LRRC49: variants seen among roughly 807,000 people sequenced by gnomAD.
LRRC49 encodes leucine-rich repeat-containing protein 49.
In LRRC49, 50 loss-of-function variants were observed where a neutral mutation model predicts 83.3. That is an observed-to-expected ratio of 0.60 (90% CI 0.48 to 0.76). LRRC49 has a LOEUF of 0.76. Among genes scored for constraint, LRRC49 ranks in the 30% least tolerant of loss-of-function variants. The pLI, the probability that LRRC49 is intolerant of heterozygous loss-of-function variation, is 0.00. For missense variants in LRRC49, 704 were observed against 809.1 expected (o/e 0.87, Z 1.58); for synonymous variants, 286 against 283.3 (o/e 1.01, Z -0.10).
At chr15:70,966,072 G>C (rs2036783622) in intron 9 of LRRC49, among the ~76,000 whole-genome samples, 1 of 152,066 alleles carries the variant, frequency 6.6e-6, no homozygotes, top group African/African-American at 2.4e-5. Context: ...ATACTATGTG[G>C]CCTACAAGCC....
At chr15:71,035,290 T>C (rs975073424) in intron 14 of LRRC49, among the ~76,000 whole-genome samples, 1 of 152,188 alleles carries the variant, frequency 6.6e-6, no homozygotes, top group Non-Finnish European at 1.5e-5. Flanking sequence ...CAAAAATTTA[T>C]AGAAGAAGTT....
At chr15:70,856,227 G>T (rs117279993) in intron 1 of LRRC49, among the ~76,000 whole-genome samples, 9 of 152,002 alleles carry the variant, frequency 5.9e-5, no homozygotes, top group African/African-American at 1.9e-4. Flanking sequence ...CTGTAGAAGC[G>T]TTTTACTTGG....
At chr15:71,002,644 C>T (rs960136975) in intron 11 of LRRC49, among the ~76,000 whole-genome samples, 1 of 151,976 alleles carries the variant, frequency 6.6e-6, no homozygotes, top group Non-Finnish European at 1.5e-5. Context: ...AATTTTCACA[C>T]CTATGAATGT....
At chr15:70,931,960 G>A (rs1380281365) in intron 7 of LRRC49, among the ~76,000 whole-genome samples, 1 of 152,044 alleles carries the variant, frequency 6.6e-6, no homozygotes, top group African/African-American at 2.4e-5. Context: ...TGAAATTGAG[G>A]CTTTTTATTG....
At chr15:70,883,219 T>A (rs1456732657) in intron 2 of LRRC49, among the ~76,000 whole-genome samples, 1 of 152,074 alleles carries the variant, frequency 6.6e-6, no homozygotes, top group Admixed American at 6.5e-5. Context: ...GAGATGGAGT[T>A]TTGCTCTTGT....
rs779972298 is a variant in LRRC49, at chr15:70,873,249, A to G, written c.18+26A>G. 29 of 1,534,924 alleles carry G rather than the reference A, an allele frequency of 1.9e-5. No individual in the cohort carries two copies. In the South Asian group the frequency reaches 2.4e-4, roughly 13 times the overall value. ...GTAAGTCTACACTTTCAGTTGACAT[A>G]ATTTTGTATAACAATTATACTCTGC... On this transcript the variant is annotated intron_variant, in intron 2 of 16. Transcript: ENST00000544974.
At chr15:70,858,422 C>T (rs909980022) in intron 1 of LRRC49, among the ~76,000 whole-genome samples, 8 of 152,124 alleles carry the variant, frequency 5.3e-5, no homozygotes, top group Non-Finnish European at 8.8e-5. Context: ...GCCAACATGG[C>T]GAAACCCTGT....
intron 8 of LRRC49, among the ~76,000 whole-genome samples, chr15:70,960,732 T>C (rs1000448188): frequency 2.6e-5 from 4 of 152,076 alleles, no homozygotes; most frequent in Admixed American, 6.5e-5. Flanking sequence ...GATGTCCATA[T>C]GAAAAAAAGG....
At position 71,037,235 on chromosome 15, in the gene LRRC49, A is replaced by C; in HGVS notation, c.1760A>C (p.Asn587Thr). The C allele has an allele frequency of 1.2e-6, 2 of 1,611,500 alleles. No homozygotes were observed. Among genetic ancestry groups the C allele is most frequent in the East Asian group, 2.2e-5 (1 of 44,792 alleles). Residue 587 changes from asparagine to threonine, a missense_variant, in exon 15 of 16, where the codon AAC (asparagine) becomes ACC (threonine). Physicochemically the swap from Asn to Thr is moderately conservative, Grantham distance 65 (BLOSUM62 0). Around this residue, in one of 3 missense-constraint regions of LRRC49, gnomAD observed 275 missense variants for 338.0 expected, o/e 0.81. Coordinates refer to ENST00000260382, the MANE Select transcript of LRRC49 (RefSeq NM_017691.5). Reference protein sequence around the residue: ...ESKGKKPGIINEENNDSKRLV... With the variant: ...ESKGKKPGIITEENNDSKRLV... ...AAAGGAAAAAAACCTGGTATTATCA[A>C]CGAAGAAAATAATGACAGCAAAAGA...
chr15:70,894,726 C>A, intron 2 of LRRC49: 3 of 666,516 alleles, frequency 4.5e-6, no homozygotes, highest in Non-Finnish European at 4.5e-6. Context: ...AAGTGAAGGG[C>A]AGAGTTCACA....
intron 8 of LRRC49, among the ~76,000 whole-genome samples, chr15:70,954,180 C>A (rs1429758525): frequency 6.6e-6 from 1 of 152,198 alleles, no homozygotes; most frequent in African/African-American, 2.4e-5. Flanking sequence ...CAGGTGTGAG[C>A]CACCATGCCT....
At chr15:70,930,807 AC>A (rs2035378215) in intron 7 of LRRC49, among the ~76,000 whole-genome samples, 1 of 152,114 alleles carries the variant, frequency 6.6e-6, no homozygotes, top group Non-Finnish European at 1.5e-5. Flanking sequence ...AACCTCATGA[AC>A]CAACCTCTGC....
At chr15:71,016,642 A>C (rs996985916) in intron 14 of LRRC49, among the ~76,000 whole-genome samples, 6 of 152,080 alleles carry the variant, frequency 3.9e-5, no homozygotes, top group African/African-American at 1.4e-4. Context: ...TGGAATATAT[A>C]ACAATGAGGC....
At chr15:70,870,928 T>A (rs1448596539) in intron 1 of LRRC49, among the ~76,000 whole-genome samples, 1 of 150,490 alleles carries the variant, frequency 6.6e-6, no homozygotes, top group Admixed American at 6.7e-5. Context: ...GGGCAGGGAC[T>A]GATTCTGCCA....
intron 7 of LRRC49, among the ~76,000 whole-genome samples, chr15:70,928,166 T>C (rs2035278426): frequency 6.6e-6 from 1 of 152,212 alleles, no homozygotes; most frequent in Non-Finnish European, 1.5e-5. Context: ...CTACGTAATA[T>C]ATACCAGATC....
rs2039973430 is a variant in LRRC49, at chr15:71,050,051, A to AACTTACT, written c.*440_*441insCTTACTA. ...TATGTTCTTTTTATGAGTGAAGAAT[A>AACTTACT]AACTTACTAACAAATTAGTCAAAAT... On this transcript the variant is annotated 3_prime_UTR_variant, in exon 16 of 16. Transcript: ENST00000260382. 6.4e-6 allele frequency: 1 copy of AACTTACT among 155,222 alleles called. No homozygotes were observed. The highest frequency in any genetic ancestry group is 1.4e-5 in the Non-Finnish European group (1 of 70,172). 9.6% of individuals were successfully genotyped at this position (155,222 alleles called of 1,614,324 possible). A position where few individuals can be genotyped will look rare whatever the true frequency, so the allele number is the denominator to read the frequency against.
At chr15:70,933,722 A>C (rs2035497105) in intron 7 of LRRC49, among the ~76,000 whole-genome samples, 1 of 152,124 alleles carries the variant, frequency 6.6e-6, no homozygotes, top group Admixed American at 6.5e-5. Flanking sequence ...TTTAGTTTGA[A>C]ATTTCTTGGG....
At chr15:70,890,168 A>G (rs2033514701), upstream of LRRC49, among the ~76,000 whole-genome samples, 1 of 152,002 alleles carries the variant, frequency 6.6e-6, no homozygotes, top group Non-Finnish European at 1.5e-5. Context: ...CCAATTTTTG[A>G]TTAGGTTGTG....
At chr15:70,879,883 GAAAT>G (rs1045939010) in intron 2 of LRRC49, among the ~76,000 whole-genome samples, 2 of 152,122 alleles carry the variant, frequency 1.3e-5, no homozygotes, top group African/African-American at 4.8e-5. Context: ...GTAAGTTTAA[GAAAT>G]AAATACTGGC....
Sources: allele counts gnomAD v4.1 joint callset (sites outside exome capture counted in the v4.1 genomes callset), GRCh38; gene constraint gnomAD v4.1.1; regional missense constraint gnomAD v4.1.1; transcripts MANE v1.5; gene names NCBI Gene and HGNC (gene_info 2026-07-23, HGNC 2026-07-21).